The following POU6F2 variants were observed in gnomAD, a reference collection of about 807,000 sequenced individuals.
The protein encoded by POU6F2 is POU domain, class 6, transcription factor 2.
A neutral mutation model predicts 71.3 loss-of-function variants in POU6F2; 31 were observed. That is an observed-to-expected ratio of 0.43 (90% CI 0.33 to 0.59). The LOEUF (loss-of-function observed/expected upper bound fraction) is 0.59, where lower values mean the gene tolerates loss of function less well. Ranked by LOEUF, POU6F2 falls within the 20% of genes least tolerant of loss-of-function variation. POU6F2 has a pLI of 0.04. For missense variants in POU6F2, 783 were observed against 856.8 expected, an observed-to-expected ratio of 0.91 and a Z score of 1.07; for synonymous variants, 347 against 355.7, an observed-to-expected ratio of 0.98 and a Z score of 0.27.
chr7:39,076,730 A>G (rs777402813), intron 1 of POU6F2, among the ~76,000 whole-genome samples: 5 of 152,124 alleles, frequency 3.3e-5, no homozygotes, highest in Non-Finnish European at 7.4e-5. Context: ...GTCTTCCCCT[A>G]TCTCCCTTTG....
intron 2 of POU6F2, among the ~76,000 whole-genome samples, chr7:39,197,788 C>A (rs892390616): frequency 6.6e-6 from 1 of 152,192 alleles, no homozygotes; most frequent in African/African-American, 2.4e-5. Context: ...CTGACACACA[C>A]CTCTATCATT....
At chr7:39,369,687 A>G (rs769107684) in intron 5 of POU6F2, among the ~76,000 whole-genome samples, 46 of 151,982 alleles carry the variant, frequency 3.0e-4, no homozygotes, top group Non-Finnish European at 5.9e-4. Flanking sequence ...TTTTAACAAT[A>G]AAGTATTTTT....
At chr7:38,996,266 C>T (rs757285810) in intron 1 of POU6F2, among the ~76,000 whole-genome samples, 1 of 151,806 alleles carries the variant, frequency 6.6e-6, no homozygotes, top group East Asian at 1.9e-4. Context: ...GTCTCAAACT[C>T]CCGACTTGAG....
At chr7:39,164,118 C>T (rs1324027910) in intron 2 of POU6F2, among the ~76,000 whole-genome samples, 2 of 152,026 alleles carry the variant, frequency 1.3e-5, no homozygotes, top group Non-Finnish European at 2.9e-5. Context: ...AAAAAGTTAA[C>T]TATAATGTGT....
chr7:39,336,896 C>G (rs1183182244), intron 4 of POU6F2, among the ~76,000 whole-genome samples: 1 of 152,186 alleles, frequency 6.6e-6, no homozygotes, highest in Admixed American at 6.5e-5. Context: ...AGCATTTGAG[C>G]ACCATTTTTC....
intron 2 of POU6F2, among the ~76,000 whole-genome samples, chr7:39,189,832 A>G (rs1361753205): frequency 6.6e-6 from 1 of 152,124 alleles, no homozygotes; most frequent in African/African-American, 2.4e-5. Flanking sequence ...TCTTTCCAAA[A>G]TCACTGAATG....
intron 2 of POU6F2, among the ~76,000 whole-genome samples, chr7:39,167,170 T>G (rs1793131313): frequency 6.6e-6 from 1 of 152,060 alleles, no homozygotes; most frequent in South Asian, 2.1e-4. Context: ...TAAGGTATAT[T>G]ATATAAACAT....
chr7:39,140,322 C>T (rs1792469806), intron 2 of POU6F2, among the ~76,000 whole-genome samples: 1 of 152,158 alleles, frequency 6.6e-6, no homozygotes, highest in Non-Finnish European at 1.5e-5. Context: ...TAAAGTGGCA[C>T]CATCTGTTTA....
intron 1 of POU6F2, among the ~76,000 whole-genome samples, chr7:39,041,655 T>G (rs1014076971): frequency 6.6e-6 from 1 of 151,970 alleles, no homozygotes; most frequent in Non-Finnish European, 1.5e-5. Flanking sequence ...TTACATGTGT[T>G]GTAAATATTT....
intron 1 of POU6F2, among the ~76,000 whole-genome samples, chr7:39,056,648 T>C (rs5001881): frequency 0.021 from 2,446 of 117,990 alleles, 40 homozygotes; most frequent in African/African-American, 0.04. Context: ...CTTTCTCTTT[T>C]TCTCTCTCTC....
At chr7:39,091,196 T>C (rs1442290506) in intron 2 of POU6F2, among the ~76,000 whole-genome samples, 6 of 152,156 alleles carry the variant, frequency 3.9e-5, no homozygotes, top group African/African-American at 1.4e-4. Flanking sequence ...GTGTTCAAAC[T>C]TTTCACCATA....
At chr7:39,359,684 A>C (rs1167070768) in intron 5 of POU6F2, among the ~76,000 whole-genome samples, 4 of 152,266 alleles carry the variant, frequency 2.6e-5, no homozygotes, top group Middle Eastern at 3.4e-3. Context: ...GGAGCTGTCA[A>C]ATGCACTGAT....
At chr7:39,121,498 A>T (rs1227112457) in intron 2 of POU6F2, among the ~76,000 whole-genome samples, 2 of 152,240 alleles carry the variant, frequency 1.3e-5, no homozygotes, top group Admixed American at 1.3e-4. Flanking sequence ...AAGATTGGTC[A>T]ACATTCTCTG....
intron 7 of POU6F2, among the ~76,000 whole-genome samples, chr7:39,450,875 C>G (rs1480429945): frequency 6.6e-6 from 1 of 152,084 alleles, no homozygotes; most frequent in Non-Finnish European, 1.5e-5. Context: ...TAGTCAATGT[C>G]CTTAATACAG....
intron 4 of POU6F2, among the ~76,000 whole-genome samples, chr7:39,261,065 GCACA>G (rs72377948): frequency 0.45 from 66,996 of 147,868 alleles, 15,080 homozygotes; most frequent in South Asian, 0.54. Context: ...ATACACACAT[GCACA>G]CACACACACA....
At chr7:39,249,166 C>A (rs971269926) in intron 4 of POU6F2, among the ~76,000 whole-genome samples, 28 of 152,202 alleles carry the variant, frequency 1.8e-4, no homozygotes, top group Non-Finnish European at 3.7e-4. Context: ...AAAATCTTAT[C>A]TGCATTGTTG....
At chr7:39,361,783 T>G (rs1786394356) in intron 5 of POU6F2, among the ~76,000 whole-genome samples, 2 of 152,364 alleles carry the variant, frequency 1.3e-5, no homozygotes, top group Admixed American at 6.5e-5. Flanking sequence ...CTCGTGCTGT[T>G]TGAAGAGGTC....
At chr7:39,034,587 G>A in intron 1 of POU6F2, 1 of 293,016 alleles carries the variant, frequency 3.4e-6, no homozygotes, top group South Asian at 2.7e-5. Context: ...GTCACTAGGG[G>A]AATCGATGGA....
chr7:39,230,724 C>T (rs1794557896), intron 4 of POU6F2, among the ~76,000 whole-genome samples: 1 of 152,142 alleles, frequency 6.6e-6, no homozygotes, highest in African/African-American at 2.4e-5. Context: ...TTCTGCCATT[C>T]TTAAAATGAA....
Sources: allele counts gnomAD v4.1 joint callset (sites outside exome capture counted in the v4.1 genomes callset), GRCh38; gene constraint gnomAD v4.1.1; transcripts MANE v1.5; gene names NCBI Gene and HGNC (gene_info 2026-07-23, HGNC 2026-07-21).